Variants in SS18L1 observed in about 807,000 individuals in gnomAD.
SS18L1 encodes SS18L1 subunit of BAF chromatin remodeling complex.
Under a neutral mutation model 70.3 loss-of-function variants are expected in SS18L1, and 32 were observed. The ratio of observed to expected loss-of-function variants is 0.46; its 90% CI spans 0.34 to 0.61. SS18L1 has a LOEUF of 0.61. SS18L1 is among the 20% of genes least tolerant of loss of function. The pLI is 0.01. For missense variants in SS18L1, 430 were observed against 542.1 expected, an observed-to-expected ratio of 0.79 and a Z score of 2.05; for synonymous variants, 237 against 229.7, an observed-to-expected ratio of 1.03 and a Z score of -0.29.
Position 62,179,441 on chromosome 20 carries a change from G to A in SS18L1, c.*233G>A. On this transcript the variant is annotated 3_prime_UTR_variant, in exon 11 of 11. Transcript: ENST00000331758. ...GTGCTGTGTATAGTATTGTATGTCG[G>A]TACACGGAGAGGTATCCTTTTTTTG... 1.8e-6 allele frequency: 1 copy of A among 565,596 alleles called. No individual in the cohort carries two copies. Among genetic ancestry groups the A allele is most frequent in the Non-Finnish European group, 3.2e-6 (1 of 315,450 alleles). The allele number at this position is 565,596 out of a possible 1,614,324, so 35.0% of individuals were successfully genotyped here. A position where few individuals can be genotyped will look rare whatever the true frequency, so the allele number is the denominator to read the frequency against.
At chr20:62,172,201 A>G (rs1023752484) in intron 8 of SS18L1, among the ~76,000 whole-genome samples, 1 of 151,418 alleles carries the variant, frequency 6.6e-6, no homozygotes, top group Non-Finnish European at 1.5e-5. Flanking sequence ...GCTGGCACAC[A>G]CTGTAGTCCT....
At chr20:62,171,381 G>A (rs559149623) in intron 8 of SS18L1, among the ~76,000 whole-genome samples, 8 of 152,298 alleles carry the variant, frequency 5.3e-5, no homozygotes, top group African/African-American at 1.4e-4. Flanking sequence ...GTGACAGCTC[G>A]TTTGCCAGCT....
At chr20:62,156,573 C>T (rs940573480) in intron 1 of SS18L1, among the ~76,000 whole-genome samples, 3 of 152,224 alleles carry the variant, frequency 2.0e-5, no homozygotes, top group Non-Finnish European at 4.4e-5. Context: ...TGGAGACCGG[C>T]GGAGGAGGAA....
chr20:62,157,040 AC>A (rs1202703599), intron 1 of SS18L1, among the ~76,000 whole-genome samples: 2 of 148,578 alleles, frequency 1.3e-5, no homozygotes, highest in Non-Finnish European at 3.0e-5. Context: ...CCCCTCCCAT[AC>A]CCCCTCTCTC....
At position 62,162,801 on chromosome 20, in the gene SS18L1, C is replaced by G. The variant is rs748535141; in HGVS notation, c.426C>G (p.Thr142=). Residue 142 remains threonine, a synonymous_variant, in exon 5 of 11, where the codon ACC becomes ACG. Transcript: ENST00000331758. ...AGACGGCGCCTAACACGCTGCCCAC[C>G]ACCTCCATGAGCATCTCTGGGCCCG... ...MQQTAPNTLP[T]TSMSISGPGY... is the part of the protein sequence containing the mutation. The G allele has an allele frequency of 1.2e-6, 2 of 1,612,784 alleles. No homozygotes were observed. Among genetic ancestry groups the G allele is most frequent in the East Asian group, 2.2e-5 (1 of 44,856 alleles).
Sources: gnomAD v4.1 joint callset for allele counts (sites outside exome capture counted in the v4.1 genomes callset) on GRCh38, gnomAD v4.1.1 for gene constraint, MANE v1.5 for transcripts, NCBI Gene and HGNC (gene_info 2026-07-23, HGNC 2026-07-21) for gene names.